The following EXOC4 variants were observed in gnomAD, a reference collection of about 807,000 sequenced individuals.
EXOC4 encodes SEC8-like 1.
EXOC4 carries 71 observed loss-of-function variants against 107.2 expected under a neutral mutation model. The observed-to-expected ratio is 0.66, with a 90% CI of 0.55 to 0.81. The LOEUF is 0.81. Among genes scored for constraint, EXOC4 ranks in the 30% least tolerant of loss-of-function variants. The pLI is 0.00. For missense variants in EXOC4, 1,108 were observed against 1,189.6 expected, an observed-to-expected ratio of 0.93 and a Z score of 1.01; for synonymous variants, 456 against 441.2, an observed-to-expected ratio of 1.03 and a Z score of -0.42.
chr7:133,452,332 C>A (rs867222888), intron 7 of EXOC4, among the ~76,000 whole-genome samples: 23 of 152,006 alleles, frequency 1.5e-4, no homozygotes, highest in African/African-American at 5.1e-4. Flanking sequence ...ACACATCTAT[C>A]ATAAGATAAC....
chr7:133,754,807 C>G lies in EXOC4; in HGVS notation c.1515-62518C>G, dbSNP rs1007351902. On this transcript the variant is annotated intron_variant, in intron 10 of 17. Coordinates refer to ENST00000253861, the MANE Select transcript of EXOC4 (RefSeq NM_021807.4). ...TTAGAAGGGCTAAGAAGTATTACTT[C>G]TAAGATGTGGTCTAAAGCTCTTCAA... Among the ~76,000 whole-genome samples the G allele has an allele frequency of 4.6e-5, 7 of 152,116 alleles. No homozygotes were observed. In the East Asian group the frequency reaches 1.3e-3, roughly 29 times the overall value.
intron 11 of EXOC4, among the ~76,000 whole-genome samples, chr7:133,876,593 A>C (rs1216555209): frequency 6.6e-6 from 1 of 151,074 alleles, no homozygotes; most frequent in African/African-American, 2.4e-5. Flanking sequence ...TCATGGTACC[A>C]CAGTGCAAGC....
intron 10 of EXOC4, among the ~76,000 whole-genome samples, chr7:133,791,107 G>T (rs1189857702): frequency 6.6e-6 from 1 of 152,142 alleles, no homozygotes; most frequent in East Asian, 1.9e-4. Context: ...ATTGAACAAT[G>T]GATCCACTCT....
intron 7 of EXOC4, among the ~76,000 whole-genome samples, chr7:133,410,551 G>A (rs1351729476): frequency 6.6e-6 from 1 of 152,096 alleles, no homozygotes; most frequent in Non-Finnish European, 1.5e-5. Context: ...CCACTTCTAT[G>A]TTAGGTCTAT....
At chr7:133,829,745 G>A (rs887580521) in intron 11 of EXOC4, among the ~76,000 whole-genome samples, 8 of 152,154 alleles carry the variant, frequency 5.3e-5, no homozygotes, top group African/African-American at 1.9e-4. Flanking sequence ...GCACACTCAC[G>A]TTTGTTTAAA....
Position 134,064,429 on chromosome 7 carries a change from G to T in EXOC4, c.2826G>T (p.Leu942=). 6.2e-7 allele frequency: 1 copy of T among 1,608,826 alleles called. No homozygotes were observed. The highest frequency in any genetic ancestry group is 1.1e-5 in the South Asian group (1 of 89,994). ...LHRSQTGVGE[L]TTQNTRLQRL... ...GCAGCCAGACTGGGGTGGGGGAACT[G>T]ACCACCCAGAACACGAGGCTGCAGA... Residue 942 remains leucine (L), a synonymous_variant, in exon 18 of 18, where the codon CTG becomes CTT. Coordinates refer to ENST00000253861, the MANE Select transcript of EXOC4 (RefSeq NM_021807.4).
At chr7:133,423,889 G>C (rs1189320574) in intron 7 of EXOC4, among the ~76,000 whole-genome samples, 2 of 152,212 alleles carry the variant, frequency 1.3e-5, no homozygotes, top group African/African-American at 4.8e-5. Flanking sequence ...GCTCCCTCTG[G>C]GCTGCGGAGT....
At chr7:133,719,212 C>T (rs777960769) in intron 10 of EXOC4, among the ~76,000 whole-genome samples, 18 of 152,142 alleles carry the variant, frequency 1.2e-4, no homozygotes, top group Non-Finnish European at 2.1e-4. Flanking sequence ...CTGCCATCCA[C>T]GTAAGATGTG....
intron 2 of EXOC4, among the ~76,000 whole-genome samples, chr7:133,278,821 T>C (rs1418655003): frequency 6.6e-6 from 1 of 152,006 alleles, no homozygotes; most frequent in Non-Finnish European, 1.5e-5. Context: ...TAACATCTTT[T>C]TTTTACTATT....
In EXOC4 at chr7:133,479,838, C is replaced by T. The variant is rs558815030; in HGVS notation, c.1329-212C>T. On this transcript the variant is annotated intron_variant, in intron 8 of 17. Coordinates refer to ENST00000253861, the MANE Select transcript of EXOC4 (RefSeq NM_021807.4). ...GCAGAATAAGCAAAAGATCCAAATA[C>T]GGTTGTAAAGGAGCCTTAGCCAGGA... is the stretch of plus-strand genomic sequence containing the variant. 4.7e-4 allele frequency among the ~76,000 whole-genome samples: 71 copies of T among 152,314 alleles called. 1 individual carries two copies. The highest frequency in any genetic ancestry group is 1.5e-3 in the African/African-American group (62 of 41,566).
At chr7:134,015,185 A>T (rs1185609937) in intron 17 of EXOC4, among the ~76,000 whole-genome samples, 1 of 152,150 alleles carries the variant, frequency 6.6e-6, no homozygotes, top group Non-Finnish European at 1.5e-5. Context: ...TCTCTCCTGC[A>T]CTTTCAAAAC....
rs187259727 is a variant in EXOC4 at position 133,840,912 on chromosome 7, T to A, written c.1734+23368T>A. Among the ~76,000 whole-genome samples, 366 of 152,316 alleles carry A rather than the reference T, an allele frequency of 2.4e-3. 5 individuals carry two copies. The highest frequency in any genetic ancestry group is 8.2e-3 in the African/African-American group (341 of 41,566). On this transcript the variant is annotated intron_variant, in intron 11 of 17. Coordinates refer to ENST00000253861, the MANE Select transcript of EXOC4 (RefSeq NM_021807.4). Reference sequence around the variant, plus strand: ...GTATTTCACAATAAAAGAGATTTTTTAAAAGACAGTGAGGGCCTGAATAAG... The same window carrying A: ...GTATTTCACAATAAAAGAGATTTTTAAAAAGACAGTGAGGGCCTGAATAAG...
intron 10 of EXOC4, among the ~76,000 whole-genome samples, chr7:133,631,148 G>A (rs1457572776): frequency 6.6e-6 from 1 of 152,050 alleles, no homozygotes; most frequent in Non-Finnish European, 1.5e-5. Flanking sequence ...TCTCTGTAAA[G>A]AACCAGAGTA....
chr7:133,360,580 G>A (rs777815353), intron 6 of EXOC4, among the ~76,000 whole-genome samples: 6 of 152,146 alleles, frequency 3.9e-5, no homozygotes, highest in Admixed American at 1.3e-4. Flanking sequence ...AAGATTAAAT[G>A]TCAGATGTGA....
At chr7:133,411,078 G>A (rs1797344712) in intron 7 of EXOC4, among the ~76,000 whole-genome samples, 2 of 152,132 alleles carry the variant, frequency 1.3e-5, no homozygotes, top group African/African-American at 4.8e-5. Flanking sequence ...AGTCTCTTAA[G>A]AGGCTATAGT....
At chr7:133,703,320 G>T (rs930988804) in intron 10 of EXOC4, among the ~76,000 whole-genome samples, 3 of 152,146 alleles carry the variant, frequency 2.0e-5, no homozygotes, top group Admixed American at 6.5e-5. Flanking sequence ...CTAGCATGTT[G>T]TTCAAGAATA....
At chr7:133,336,690 A>ATTTATTTTAT (rs1177767668) in intron 5 of EXOC4, among the ~76,000 whole-genome samples, 25 of 138,080 alleles carry the variant, frequency 1.8e-4, no homozygotes, top group African/African-American at 6.7e-4. Context: ...TTTTTATTTT[A>ATTTATTTTAT]TTTATTTTAT....
At chr7:133,284,395 G>A (rs1305530879) in intron 2 of EXOC4, among the ~76,000 whole-genome samples, 2 of 152,054 alleles carry the variant, frequency 1.3e-5, no homozygotes, top group Non-Finnish European at 2.9e-5. Flanking sequence ...GATATAAGTA[G>A]GATATCAGAA....
intron 10 of EXOC4, among the ~76,000 whole-genome samples, chr7:133,749,968 T>G (rs963974573): frequency 3.4e-5 from 5 of 146,002 alleles, no homozygotes; most frequent in African/African-American, 1.0e-4. Flanking sequence ...TTTTTTTTTT[T>G]TTTTTTTTTT....
Sources: allele counts gnomAD v4.1 joint callset (sites outside exome capture counted in the v4.1 genomes callset), GRCh38; gene constraint gnomAD v4.1.1; transcripts MANE v1.5; gene names NCBI Gene and HGNC (gene_info 2026-07-23, HGNC 2026-07-21).